The following PDE3A variants were observed in gnomAD, a reference collection of about 807,000 sequenced individuals.
The protein encoded by PDE3A is phosphodiesterase 3A, also known as cGMP-inhibited 3',5'-cyclic phosphodiesterase 3A.
Under a neutral mutation model 98.3 loss-of-function variants are expected in PDE3A, and 43 were observed. That is an observed-to-expected ratio of 0.44 (90% CI 0.34 to 0.56). The LOEUF (loss-of-function observed/expected upper bound fraction) is 0.56. Among genes scored for constraint, PDE3A ranks in the 20% least tolerant of loss-of-function variants. The pLI, the probability that PDE3A is intolerant of heterozygous loss-of-function variation, is 0.01. For synonymous variants in PDE3A, 663 were observed against 567.9 expected (o/e 1.17, Z -2.38); for missense variants, 1,427 against 1,440.7 (o/e 0.99, Z 0.15).
chr12:20,500,746 A>C (rs956472678), intron 1 of PDE3A, among the ~76,000 whole-genome samples: 3 of 150,940 alleles, frequency 2.0e-5, no homozygotes, highest in Non-Finnish European at 4.4e-5. Flanking sequence ...ATCGATGTGT[A>C]AGAGGCTTTC....
At chr12:20,645,719 G>A (rs776171988) in intron 10 of PDE3A, among the ~76,000 whole-genome samples, 4 of 152,030 alleles carry the variant, frequency 2.6e-5, no homozygotes, top group Admixed American at 6.6e-5. Context: ...TGCACATGTG[G>A]AGTATGACCC....
intron 14 of PDE3A, among the ~76,000 whole-genome samples, chr12:20,653,489 A>G (rs1034543326): frequency 3.3e-5 from 5 of 152,032 alleles, no homozygotes; most frequent in African/African-American, 9.7e-5. Context: ...CAGCCTCCCA[A>G]GTAGCTGGGA....
intron 1 of PDE3A, among the ~76,000 whole-genome samples, chr12:20,531,979 C>A (rs970494698): frequency 6.6e-6 from 1 of 151,154 alleles, no homozygotes; most frequent in South Asian, 2.1e-4. Context: ...GTCCTGTGTG[C>A]AAGTCTAATG....
intron 15 of PDE3A, among the ~76,000 whole-genome samples, chr12:20,672,314 C>T (rs1486772826): frequency 1.4e-5 from 2 of 140,706 alleles, no homozygotes; most frequent in African/African-American, 5.4e-5. Context: ...ATCAAGCTAC[C>T]AATGCCTTTC....
chr12:20,642,184 T>A (rs774264242), intron 10 of PDE3A, among the ~76,000 whole-genome samples: 3 of 152,136 alleles, frequency 2.0e-5, no homozygotes, highest in Non-Finnish European at 4.4e-5. Context: ...TGTGCAAATA[T>A]TAGAAACTAA....
chr12:20,397,735 C>T (rs893480953), intron 1 of PDE3A, among the ~76,000 whole-genome samples: 3 of 151,704 alleles, frequency 2.0e-5, no homozygotes, highest in South Asian at 2.1e-4. Context: ...TTGCCTCCTC[C>T]GTATATATTT....
intron 1 of PDE3A, among the ~76,000 whole-genome samples, chr12:20,386,041 AAT>A (rs369325168): frequency 2.5e-5 from 2 of 78,614 alleles, no homozygotes; most frequent in African/African-American, 5.9e-5. Context: ...ATATATATAA[AAT>A]ATATATAAAT....
At chr12:20,665,088 A>G (rs1945276180) in intron 15 of PDE3A, among the ~76,000 whole-genome samples, 1 of 152,104 alleles carries the variant, frequency 6.6e-6, no homozygotes, top group South Asian at 2.1e-4. Flanking sequence ...TATTGTACCA[A>G]CTGGGCCATC....
chr12:20,421,601 A>T (rs908414157), intron 1 of PDE3A, among the ~76,000 whole-genome samples: 59 of 150,526 alleles, frequency 3.9e-4, no homozygotes, highest in African/African-American at 7.8e-4. Context: ...TTGGTAATAA[A>T]AAAAAAAAAA....
rs1943389988 is a variant in PDE3A at position 20,368,543 on chromosome 12, C to G, written c.-742C>G. Reference sequence around the variant, plus strand: ...CCTCCCTTCTGCGGCTGCCGCTAGTCTCTCGGTCTGGCTCTCTCTCCGACG... The same window carrying G: ...CCTCCCTTCTGCGGCTGCCGCTAGTGTCTCGGTCTGGCTCTCTCTCCGACG... On this transcript the variant is annotated 5_prime_UTR_variant, in exon 1 of 16. Coordinates refer to ENST00000359062, the MANE Select transcript of PDE3A (RefSeq NM_000921.5). 6.6e-6 allele frequency among the ~76,000 whole-genome samples: 1 copy of G among 151,950 alleles called. No homozygotes were observed. The highest frequency in any genetic ancestry group is 6.5e-5 in the Admixed American group (1 of 15,270).
At chr12:20,567,950 T>C (rs1006765721) in intron 2 of PDE3A, among the ~76,000 whole-genome samples, 3 of 151,904 alleles carry the variant, frequency 2.0e-5, no homozygotes, top group African/African-American at 7.2e-5. Context: ...TAACTTCACA[T>C]GATAAATAAT....
At chr12:20,493,904 A>G (rs1565567066) in intron 1 of PDE3A, among the ~76,000 whole-genome samples, 1 of 152,374 alleles carries the variant, frequency 6.6e-6, no homozygotes, top group East Asian at 1.9e-4. Context: ...TGTTGGGATT[A>G]CAGGCGTGAG....
intron 1 of PDE3A, among the ~76,000 whole-genome samples, chr12:20,507,087 T>A (rs932548700): frequency 2.0e-5 from 3 of 152,030 alleles, no homozygotes; most frequent in African/African-American, 7.2e-5. Context: ...GGGGGGTAAT[T>A]GTGCACAGTT....
chr12:20,373,252 G>C (rs920581696), intron 1 of PDE3A, among the ~76,000 whole-genome samples: 1 of 151,886 alleles, frequency 6.6e-6, no homozygotes, highest in Non-Finnish European at 1.5e-5. Flanking sequence ...CTACTTTTTT[G>C]GCTGCCAGTG....
chr12:20,531,543 G>A lies in PDE3A; in HGVS notation c.961-25117G>A, dbSNP rs542990811. Reference sequence around the variant, plus strand: ...AAAATCCTTACTAGATGGGTAAGACGGTAGTTGTGATAAGACAGTAGTAGC... The same window carrying A: ...AAAATCCTTACTAGATGGGTAAGACAGTAGTTGTGATAAGACAGTAGTAGC... On this transcript the variant is annotated intron_variant, in intron 1 of 15. Transcript: ENST00000359062. 1.8e-4 allele frequency among the ~76,000 whole-genome samples: 28 copies of A among 152,104 alleles called. No homozygotes were observed. The South Asian group carries it at 5.6e-3, about 30-fold the overall frequency.
intron 1 of PDE3A, among the ~76,000 whole-genome samples, chr12:20,498,859 C>T (rs1945972459): frequency 6.6e-6 from 1 of 152,008 alleles, no homozygotes; most frequent in East Asian, 1.9e-4. Context: ...TTCTTTCCTT[C>T]CTTCTTCCTC....
intron 1 of PDE3A, among the ~76,000 whole-genome samples, chr12:20,526,694 AT>A (rs1946527227): frequency 6.7e-6 from 1 of 149,932 alleles, no homozygotes. Context: ...AGTTTATGTT[AT>A]TTCCTATAGT....
chr12:20,648,610 C>A, intron 12 of PDE3A, 78 bp from the exon 13 acceptor site: 1 of 916,900 alleles, frequency 1.1e-6, no homozygotes, highest in Non-Finnish European at 1.8e-6. Flanking sequence ...AAAGCAATTT[C>A]AAAAGCATTG....
rs1021216899 is a variant in PDE3A, at chr12:20,616,184, A to G, written c.1270-46A>G. The G allele has an allele frequency of 3.9e-6, 6 of 1,543,486 alleles. No individual in the cohort carries two copies. In the East Asian group the frequency reaches 1.1e-4, roughly 29 times the overall value. On this transcript the variant is annotated intron_variant, in intron 3 of 15. Transcript: ENST00000359062. ...CTTCTATTATATTACATAAAATTTA[A>G]GAGATATAAAATATTCTGGGTAATG...
Sources: allele counts gnomAD v4.1 joint callset (sites outside exome capture counted in the v4.1 genomes callset), GRCh38; gene constraint gnomAD v4.1.1; transcripts MANE v1.5; gene names NCBI Gene and HGNC (gene_info 2026-07-23, HGNC 2026-07-21).